LBHD1: variants seen among roughly 807,000 people sequenced by gnomAD.
LBHD1 encodes LBH domain containing 1.
A neutral mutation model predicts 31.1 loss-of-function variants in LBHD1; 28 were observed. That is an observed-to-expected ratio of 0.90 (90% CI 0.67 to 1.24). LBHD1 has a LOEUF of 1.24. Among genes scored for constraint, LBHD1 ranks in the 50% most tolerant of loss-of-function variants. The pLI is 0.00. For synonymous variants in LBHD1, 105 were observed against 116.5 expected, an observed-to-expected ratio of 0.90 and a Z score of 0.63; for missense variants, 350 against 323.0, an observed-to-expected ratio of 1.08 and a Z score of -0.64.
chr11:62,666,654 C>A, intron 4 of LBHD1: 2 of 1,614,170 alleles, frequency 1.2e-6, no homozygotes, highest in Admixed American at 3.3e-5. Flanking sequence ...GTGGACTTTT[C>A]TCCTGTGGCT....
At position 62,663,241 on chromosome 11, in the gene LBHD1, A is replaced by G; in HGVS notation, c.756T>C (p.His252=). The G allele has an allele frequency of 1.2e-6, 2 of 1,614,084 alleles. No homozygotes were observed. The highest frequency in any genetic ancestry group is 8.5e-7 in the Non-Finnish European group (1 of 1,179,996). Residue 252 remains histidine (H), a synonymous_variant, in exon 6 of 7, where the codon CAT becomes CAC. Transcript: ENST00000354588. ...CACCTCTGTCCCAGCCTCACCTTCC[A>G]TGGCTGTCTTCTCTTTCTGGGCAAG... is the stretch of plus-strand genomic sequence containing the variant. ...DPACPEREDS[H]GSGSPFKASQ... is the part of the protein sequence containing the mutation.
Position 62,667,589 on chromosome 11 carries a change from C to T in LBHD1, c.472G>A (p.Gly158Ser). ...AAGCCACTTCTACAAACACGGGAGCCTGTTGAGTCCCAGAAGGGACAGTGG... is the reference window on the plus strand; with the variant it reads ...AAGCCACTTCTACAAACACGGGAGCTTGTTGAGTCCCAGAAGGGACAGTGG... ...TNHCPFWDST[G>S]SRVCRSGFVE... The change falls in exon 4 of 7, where the codon GGC becomes AGC. Residue 158 changes from glycine to serine, a missense_variant. By Grantham distance (56) the Gly-to-Ser change is moderately conservative. Coordinates refer to ENST00000354588, the MANE Select transcript of LBHD1 (RefSeq NM_024099.5). 1.2e-6 allele frequency: 2 copies of T among 1,614,098 alleles called. No homozygotes were observed. Among genetic ancestry groups the T allele is most frequent in the Non-Finnish European group, 1.7e-6 (2 of 1,180,018 alleles).
intron 4 of LBHD1, chr11:62,666,975 G>A: frequency 6.2e-7 from 1 of 1,614,148 alleles, no homozygotes; most frequent in African/African-American, 1.3e-5. Flanking sequence ...TCCTATGGCT[G>A]GACTGTGACT....
In LBHD1 at chr11:62,671,780, C is replaced by G; in HGVS notation, c.-227G>C. The G allele has an allele frequency of 1.9e-6, 3 of 1,614,108 alleles. No homozygotes were observed. In the South Asian group the frequency reaches 3.3e-5, roughly 18 times the overall value. The stretch of plus-strand genomic sequence containing the variant: ...TTGCGGAAAATGCTGATCTCAGTCG[C>G]AATGCTGGGCGCAGGGGCTGGCGTG... On this transcript the variant is annotated 5_prime_UTR_variant, in exon 1 of 7. Coordinates refer to ENST00000354588, the MANE Select transcript of LBHD1 (RefSeq NM_024099.5).
At chr11:62,666,967 C>T in intron 4 of LBHD1, 3 of 1,614,164 alleles carry the variant, frequency 1.9e-6, no homozygotes, top group Non-Finnish European at 2.5e-6. Context: ...AACAAGGGTC[C>T]TATGGCTGGA....
intron 5 of LBHD1, 77 bp from the exon 6 acceptor site, chr11:62,663,410 A>G: frequency 1.4e-6 from 2 of 1,455,394 alleles, no homozygotes; most frequent in South Asian, 2.6e-5. Context: ...CTGGCTATAG[A>G]AAAAGTATTA....
Position 62,669,735 on chromosome 11 carries a change from C to A in LBHD1, c.219G>T (p.Gly73=). 1 of 1,614,038 alleles carries A rather than the reference C, an allele frequency of 6.2e-7. No homozygotes were observed. ...GCTCCTCATGGGGCAAATGGAGATC[C>A]CCACTCTCTTCATTCACCTCACTGG... ...VESSEVNEES[G]DLHLPHEELL... The change falls in exon 3 of 7, where the codon GGG becomes GGT. Residue 73 remains glycine (G), a synonymous_variant. Transcript: ENST00000354588.
chr11:62,666,804 T>C (rs1565127952), intron 4 of LBHD1: 6 of 1,614,216 alleles, frequency 3.7e-6, no homozygotes, highest in Non-Finnish European at 5.1e-6. Context: ...TCTTTCCAAC[T>C]ACTGCTGGAC....
chr11:62,671,100 CA>C, intron 1 of LBHD1: 1 of 346,622 alleles, frequency 2.9e-6, no homozygotes, highest in Non-Finnish European at 5.7e-6. Flanking sequence ...ACCTTGTCTC[CA>C]AAAACAAACA....
At chr11:62,665,003 G>C (rs766838791) in intron 4 of LBHD1, 30 bp from the exon 5 acceptor site, 8 of 1,605,286 alleles carry the variant, frequency 5.0e-6, no homozygotes, top group African/African-American at 1.3e-5. Flanking sequence ...GAATCAGATG[G>C]AGTGGGCTCG....
intron 3 of LBHD1, chr11:62,668,073 TA>T (rs777143169): frequency 8.4e-6 from 2 of 238,518 alleles, no homozygotes; most frequent in African/African-American, 2.2e-5. Context: ...TTTTTGCTTA[TA>T]AAAAAATAGA....
chr11:62,664,082 G>GAAAAAAAAAAA (rs71056540), intron 5 of LBHD1, among the ~76,000 whole-genome samples: 2 of 65,946 alleles, frequency 3.0e-5, no homozygotes, highest in Non-Finnish European at 2.8e-5. Flanking sequence ...CAAAAAAGAG[G>GAAAAAAAAAAA]AAAAAAAAAA....
chr11:62,665,317 G>C (rs948367991), intron 4 of LBHD1: 4 of 728,208 alleles, frequency 5.5e-6, no homozygotes, highest in East Asian at 2.7e-5. Flanking sequence ...GAGGCCTTTC[G>C]GAGGGTGGTG....
intron 4 of LBHD1, chr11:62,665,533 C>T (rs1944781805): frequency 1.3e-6 from 2 of 1,569,850 alleles, no homozygotes; most frequent in Non-Finnish European, 1.7e-6. Context: ...CTGGCGGCTT[C>T]CCATCCGCTG....
Position 62,664,063 on chromosome 11 carries a change from ACT to A in LBHD1, c.664-732_664-731del, listed in dbSNP as rs1230862043. On this transcript the variant is annotated intron_variant, in intron 5 of 6. Coordinates refer to ENST00000354588, the MANE Select transcript of LBHD1 (RefSeq NM_024099.5). ...ACTCCAGCCTGGGCAACAGAGGGAGACTCTGTCTCAAAAAAGAGGAAAAAAAA... is the reference window on the plus strand; with the variant it reads ...ACTCCAGCCTGGGCAACAGAGGGAGACTGTCTCAAAAAAGAGGAAAAAAAA... Among the ~76,000 whole-genome samples the A allele has an allele frequency of 1.1e-4, 16 of 140,178 alleles. No homozygotes were observed. In the East Asian group the frequency reaches 3.1e-3, roughly 27 times the overall value. The allele number at this position is 140,178 out of a possible 152,430, so 92.0% of individuals were successfully genotyped here.
At chr11:62,668,168 A>G (rs1944870564) in intron 3 of LBHD1, 1 of 175,512 alleles carries the variant, frequency 5.7e-6, no homozygotes, top group African/African-American at 2.4e-5. Flanking sequence ...GTTGTTCTGA[A>G]AATCATGAAG....
chr11:62,670,172 G>T, intron 1 of LBHD1, 131 bp from the exon 2 acceptor site: 1 of 989,636 alleles, frequency 1.0e-6, no homozygotes, highest in Non-Finnish European at 1.5e-6. Context: ...TACGCTTTCA[G>T]GGGAGGGGAA....
Position 62,672,198 on chromosome 11 carries a change from A to C in LBHD1, c.-645T>G, listed in dbSNP as rs1944957927. 4 of 1,394,360 alleles carry C rather than the reference A, an allele frequency of 2.9e-6. No homozygotes were observed. Among genetic ancestry groups the C allele is most frequent in the Non-Finnish European group, 3.9e-6 (4 of 1,030,418 alleles). 86.4% of individuals were successfully genotyped at this position (1,394,360 alleles called of 1,614,324 possible). On this transcript the variant is annotated 5_prime_UTR_variant, in exon 1 of 7. Coordinates refer to ENST00000354588, the MANE Select transcript of LBHD1 (RefSeq NM_024099.5). The stretch of plus-strand genomic sequence containing the variant: ...CCTTTCTCCTTCGTGGGCCCAGCGG[A>C]GAGTCCGGACCGAGATACCATGCCA...
At chr11:62,670,415 T>C (rs934578625) in intron 1 of LBHD1, 2 of 198,506 alleles carry the variant, frequency 1.0e-5, no homozygotes, top group African/African-American at 4.7e-5. Context: ...AGGAGCTGTT[T>C]TAATTGCTTT....
Sources: allele counts gnomAD v4.1 joint callset (sites outside exome capture counted in the v4.1 genomes callset), GRCh38; gene constraint gnomAD v4.1.1; transcripts MANE v1.5; gene names NCBI Gene and HGNC (gene_info 2026-07-23, HGNC 2026-07-21).